MYBPC1: variants seen among roughly 807,000 people sequenced by gnomAD.
The protein encoded by MYBPC1 is myosin-binding protein C, slow-type.
MYBPC1 carries 52 observed loss-of-function variants against 147.1 expected under a neutral mutation model. That is an observed-to-expected ratio of 0.35 (90% CI 0.28 to 0.45). The LOEUF is 0.45. MYBPC1 is among the 20% of genes least tolerant of loss of function. The pLI is 1.00. For missense variants in MYBPC1, 1,228 were observed against 1,440.3 expected (o/e 0.85, Z 2.39); for synonymous variants, 477 against 475.9 (o/e 1.00, Z -0.03).
chr12:101,683,434 A>T (rs1289074970), intron 30 of MYBPC1, among the ~76,000 whole-genome samples: 1 of 152,220 alleles, frequency 6.6e-6, no homozygotes, highest in Admixed American at 6.5e-5. Context: ...AAAATAAAAA[A>T]TAAAAAAAAT....
rs768608267 is a variant in MYBPC1, at chr12:101,666,740, A to C, written c.2357-992A>C. ...TAATTAATTTTAATGACGGATTCTC[A>C]AAGGTACATCAGCAAAACAGTCTGA... On this transcript the variant is annotated intron_variant, in intron 22 of 31. Transcript: ENST00000361466. 3 of 1,613,298 alleles carry C rather than the reference A, an allele frequency of 1.9e-6. No individual in the cohort carries two copies. The South Asian group carries it at 3.3e-5, about 18-fold the overall frequency.
chr12:101,664,801 C>G (rs1897161099), intron 22 of MYBPC1, among the ~76,000 whole-genome samples: 2 of 152,184 alleles, frequency 1.3e-5, no homozygotes, highest in African/African-American at 4.8e-5. Flanking sequence ...GTGGAAACGT[C>G]AGAAATTTCC....
chr12:101,677,132 T>G, intron 26 of MYBPC1, 103 bp from the exon 27 acceptor site: 1 of 1,178,488 alleles, frequency 8.5e-7, no homozygotes, highest in African/African-American at 1.5e-5. Flanking sequence ...TCTTTTTTTC[T>G]TTTTGTTAAT....
At chr12:101,660,598 C>T (rs534082742) in intron 19 of MYBPC1, 15 of 161,300 alleles carry the variant, frequency 9.3e-5, no homozygotes, top group African/African-American at 3.6e-4. Flanking sequence ...GTGGGCTCAT[C>T]TTCCCTTATC....
rs903914516 is a variant in MYBPC1 at position 101,609,179 on chromosome 12, C to T, written c.26-5317C>T. ...ACTCACATTTGAAAAGGGAGTGGAA[C>T]GGGTGATATTTAGGGGGTGTGCTGA... On this transcript the variant is annotated intron_variant, in intron 1 of 31. Coordinates refer to ENST00000361466, the MANE Select transcript of MYBPC1 (RefSeq NM_002465.4). 5.3e-5 allele frequency among the ~76,000 whole-genome samples: 8 copies of T among 152,144 alleles called. No individual in the cohort carries two copies. In the East Asian group the frequency reaches 5.8e-4, roughly 11 times the overall value.
At chr12:101,608,228 C>A (rs1882991341) in intron 1 of MYBPC1, among the ~76,000 whole-genome samples, 1 of 152,154 alleles carries the variant, frequency 6.6e-6, no homozygotes. Flanking sequence ...GCCGCCCTTG[C>A]CCAGGAAAGA....
At chr12:101,629,827 C>T (rs551315867) in intron 6 of MYBPC1, among the ~76,000 whole-genome samples, 170 of 151,886 alleles carry the variant, frequency 1.1e-3, no homozygotes, top group African/African-American at 4.0e-3. Context: ...GAACCGAGAT[C>T]GCGCCACTGC....
At chr12:101,632,712 A>G (rs1890164696) in intron 8 of MYBPC1, among the ~76,000 whole-genome samples, 1 of 152,218 alleles carries the variant, frequency 6.6e-6, no homozygotes, top group South Asian at 2.1e-4. Context: ...ATGTAGTTGC[A>G]AAAGACAAAA....
chr12:101,648,138 C>T lies in MYBPC1; in HGVS notation c.1184C>T (p.Ala395Val). Residue 395 changes from alanine to valine, a missense_variant, in exon 14 of 32, where the codon GCC (alanine) becomes GTC (valine). Transcript: ENST00000361466. Reference protein sequence around the residue: ...ELECEVSEDDANVKWFKNGEE... With the variant: ...ELECEVSEDDVNVKWFKNGEE... ...GAATGTGAGGTGTCTGAAGATGATGCCAATGTAAAATGGTAAATAGCCTTA... is the reference window on the plus strand; with the variant it reads ...GAATGTGAGGTGTCTGAAGATGATGTCAATGTAAAATGGTAAATAGCCTTA... 1 of 1,609,270 alleles carries T rather than the reference C, an allele frequency of 6.2e-7. No individual in the cohort carries two copies. Among genetic ancestry groups the T allele is most frequent in the Non-Finnish European group, 8.5e-7 (1 of 1,176,014 alleles).
chr12:101,656,381 A>C (rs1895542459), intron 18 of MYBPC1, among the ~76,000 whole-genome samples: 1 of 152,184 alleles, frequency 6.6e-6, no homozygotes, highest in Non-Finnish European at 1.5e-5. Flanking sequence ...CAATGGTCCA[A>C]ATATACAAAT....
chr12:101,687,700 T>G (rs1396229293), downstream of MYBPC1, among the ~76,000 whole-genome samples: 5 of 152,236 alleles, frequency 3.3e-5, no homozygotes, highest in Non-Finnish European at 5.9e-5. Flanking sequence ...GCCCAGCTGC[T>G]GGGTCTTAGC....
At chr12:101,688,961 AAAAAAAAG>A (rs1262407632), downstream of MYBPC1, among the ~76,000 whole-genome samples, 1 of 124,562 alleles carries the variant, frequency 8.0e-6, no homozygotes. Context: ...CTCAAAAAAA[AAAAAAAAG>A]AAAAAGAAAA....
chr12:101,620,438 A>C (rs1887116128), intron 3 of MYBPC1, among the ~76,000 whole-genome samples: 1 of 152,242 alleles, frequency 6.6e-6, no homozygotes, highest in Non-Finnish European at 1.5e-5. Flanking sequence ...AGATCTGGGC[A>C]CTGGGTCCTG....
chr12:101,663,684 C>G (rs999794546), intron 22 of MYBPC1, 124 bp downstream of exon 22: 3 of 1,121,764 alleles, frequency 2.7e-6, no homozygotes, highest in Middle Eastern at 2.8e-4. Context: ...TCAAGCCAAA[C>G]GTCATCCTTC....
Position 101,667,899 on chromosome 12 carries a change from G to A in MYBPC1, c.2524G>A (p.Glu842Lys). ...SQPILVKEII[E>K]PPKIRIPRHL... ...GCCCATTCTCGTGAAGGAAATCATAGGTAGGAGACAAGGCTTTCAAAAGTT... is the reference window on the plus strand; with the variant it reads ...GCCCATTCTCGTGAAGGAAATCATAAGTAGGAGACAAGGCTTTCAAAAGTT... The change falls in exon 23 of 32, where the codon GAA becomes AAA. Residue 842 changes from glutamate to lysine, a missense_variant and splice_region_variant. Around this residue, in one of 2 missense-constraint regions of MYBPC1, gnomAD observed 1,077 missense variants for 1,314.2 expected, o/e 0.82. Coordinates refer to ENST00000361466, the MANE Select transcript of MYBPC1 (RefSeq NM_002465.4). 6.2e-7 allele frequency: 1 copy of A among 1,613,670 alleles called. No homozygotes were observed. The highest frequency in any genetic ancestry group is 8.5e-7 in the Non-Finnish European group (1 of 1,179,776).
chr12:101,643,812 AG>A (rs1457639190), intron 11 of MYBPC1, among the ~76,000 whole-genome samples: 2 of 152,108 alleles, frequency 1.3e-5, no homozygotes, highest in African/African-American at 4.8e-5. Flanking sequence ...CGTATGTGCA[AG>A]GGGTGTTTTT....
At chr12:101,634,440 C>T (rs1890590537) in intron 8 of MYBPC1, 114 bp from the exon 9 acceptor site, 1 of 843,952 alleles carries the variant, frequency 1.2e-6, no homozygotes, top group East Asian at 2.6e-5. Flanking sequence ...AGAAAAGCCT[C>T]CCCCCTTCAC....
intron 25 of MYBPC1, 127 bp from the exon 26 acceptor site, chr12:101,675,165 T>C: frequency 2.3e-6 from 3 of 1,293,216 alleles, no homozygotes; most frequent in South Asian, 2.6e-5. Context: ...GAAGCCCCCA[T>C]GGTAGGGTCT....
the MYBPC1 span, among the ~76,000 whole-genome samples, chr12:101,693,498 T>C: frequency 6.6e-6 from 1 of 152,134 alleles, no homozygotes; most frequent in South Asian, 2.1e-4. Context: ...CCCAGCATTT[T>C]AGGAGGTCAA....
Sources: allele counts gnomAD v4.1 joint callset (sites outside exome capture counted in the v4.1 genomes callset), GRCh38; gene constraint gnomAD v4.1.1; regional missense constraint gnomAD v4.1.1; transcripts MANE v1.5; gene names NCBI Gene and HGNC (gene_info 2026-07-23, HGNC 2026-07-21).